ASIC2: variants seen among roughly 807,000 people sequenced by gnomAD.
ASIC2 encodes the protein acid sensing ion channel subunit 2.
ASIC2 carries 25 observed loss-of-function variants against 57.3 expected under a neutral mutation model. That is an observed-to-expected ratio of 0.44 (90% CI 0.32 to 0.61). The LOEUF is 0.61. ASIC2 is among the 20% of genes least tolerant of loss of function. The pLI, the probability that ASIC2 is intolerant of heterozygous loss-of-function variation, is 0.06. For missense variants in ASIC2, 641 were observed against 738.1 expected (o/e 0.87, Z 1.52); for synonymous variants, 319 against 307.5 (o/e 1.04, Z -0.39).
intron 6 of ASIC2, among the ~76,000 whole-genome samples, chr17:33,023,098 A>G (rs1022408811): frequency 5.9e-5 from 9 of 152,238 alleles, no homozygotes; most frequent in Admixed American, 2.0e-4. Flanking sequence ...AGACCTGCTT[A>G]AGGAGGAACC....
intron 2 of ASIC2, among the ~76,000 whole-genome samples, chr17:33,091,006 C>A (rs1009880419): frequency 2.6e-5 from 4 of 152,172 alleles, no homozygotes; most frequent in African/African-American, 9.7e-5. Flanking sequence ...TACAGCATCA[C>A]CCTGTCCAAA....
At chr17:33,438,941 T>C (rs945339525) in intron 1 of ASIC2, among the ~76,000 whole-genome samples, 2 of 151,076 alleles carry the variant, frequency 1.3e-5, no homozygotes, top group Non-Finnish European at 2.9e-5. Context: ...TTTCTGGTGC[T>C]CAAAAAATCC....
intron 1 of ASIC2, among the ~76,000 whole-genome samples, chr17:34,024,483 A>G (rs1247627718): frequency 6.6e-6 from 1 of 152,222 alleles, no homozygotes; most frequent in East Asian, 1.9e-4. Context: ...AAGCATGGTC[A>G]CTGTCGATAG....
At chr17:33,377,326 C>T (rs745400864) in intron 1 of ASIC2, among the ~76,000 whole-genome samples, 2 of 152,242 alleles carry the variant, frequency 1.3e-5, no homozygotes, top group South Asian at 2.1e-4. Context: ...GCTGCAATTA[C>T]AGGCGTGAGC....
intron 1 of ASIC2, among the ~76,000 whole-genome samples, chr17:33,566,104 A>C (rs549595023): frequency 1.3e-5 from 2 of 152,220 alleles, no homozygotes; most frequent in South Asian, 2.1e-4. Flanking sequence ...CCCTTCCCTT[A>C]CGTCTTTCTC....
intron 1 of ASIC2, among the ~76,000 whole-genome samples, chr17:34,099,145 ACAGAGAGAGAGAG>A: frequency 1.0e-4 from 2 of 19,800 alleles, no homozygotes; most frequent in African/African-American, 2.5e-4. Flanking sequence ...AGAGAGAGAG[ACAGAGAGAGAGAG>A]AGAGAGAAAG....
intron 1 of ASIC2, among the ~76,000 whole-genome samples, chr17:34,076,151 T>C (rs2097763): frequency 0.9 from 137,097 of 151,958 alleles, 62,176 homozygotes; most frequent in African/African-American, 0.98. Flanking sequence ...TACAGGTGCC[T>C]GCCACCATGC....
chr17:33,563,540 G>C (rs1470616397), intron 1 of ASIC2, among the ~76,000 whole-genome samples: 1 of 152,140 alleles, frequency 6.6e-6, no homozygotes, highest in Non-Finnish European at 1.5e-5. Context: ...AGGTACTCTT[G>C]GCCTTTACCT....
At chr17:34,128,790 G>A (rs1055648838) in intron 1 of ASIC2, among the ~76,000 whole-genome samples, 2 of 152,152 alleles carry the variant, frequency 1.3e-5, no homozygotes, top group Admixed American at 6.5e-5. Flanking sequence ...GAAGAATGAG[G>A]TTGTGTCAGC....
chr17:33,288,951 G>A (rs970208381), intron 1 of ASIC2, among the ~76,000 whole-genome samples: 1 of 152,272 alleles, frequency 6.6e-6, no homozygotes, highest in Non-Finnish European at 1.5e-5. Flanking sequence ...AGATGACAAA[G>A]GCTAGAGACA....
chr17:33,803,160 T>C (rs73986724), intron 1 of ASIC2, among the ~76,000 whole-genome samples: 13,725 of 152,198 alleles, frequency 0.09, 698 homozygotes, highest in East Asian at 0.19. Flanking sequence ...GGTTGGTAAT[T>C]GCATGAGGGA....
At chr17:33,309,940 TC>T (rs1197541912) in intron 1 of ASIC2, among the ~76,000 whole-genome samples, 5 of 144,710 alleles carry the variant, frequency 3.5e-5, no homozygotes, top group Non-Finnish European at 7.5e-5. Flanking sequence ...CCATGACTCC[TC>T]CCCTCCACCC....
chr17:33,612,238 A>G (rs1293963986), intron 1 of ASIC2, among the ~76,000 whole-genome samples: 4 of 152,216 alleles, frequency 2.6e-5, no homozygotes, highest in Non-Finnish European at 1.5e-5. Context: ...ACTAAAAATA[A>G]TGTTTGACCA....
chr17:33,382,349 T>C (rs1909517619), intron 1 of ASIC2, among the ~76,000 whole-genome samples: 1 of 152,186 alleles, frequency 6.6e-6, no homozygotes, highest in Non-Finnish European at 1.5e-5. Flanking sequence ...AGACCAAATT[T>C]GTTCTTTTCC....
At chr17:33,138,396 T>G (rs537137633) in intron 1 of ASIC2, among the ~76,000 whole-genome samples, 1 of 152,220 alleles carries the variant, frequency 6.6e-6, no homozygotes, top group East Asian at 1.9e-4. Flanking sequence ...CAAGGAAAAT[T>G]GAGGACTAGA....
intron 1 of ASIC2, among the ~76,000 whole-genome samples, chr17:33,461,542 T>C (rs1255693018): frequency 6.6e-6 from 1 of 152,186 alleles, no homozygotes; most frequent in Non-Finnish European, 1.5e-5. Context: ...CTGCCTGGCA[T>C]GATCAGGGGC....
At chr17:33,773,711 G>A (rs1480624789) in intron 1 of ASIC2, among the ~76,000 whole-genome samples, 1 of 149,048 alleles carries the variant, frequency 6.7e-6, no homozygotes, top group Non-Finnish European at 1.5e-5. Flanking sequence ...CTGGAGTGCA[G>A]TGGTGCAATC....
intron 1 of ASIC2, among the ~76,000 whole-genome samples, chr17:33,945,270 T>A (rs914230936): frequency 2.0e-5 from 3 of 152,018 alleles, no homozygotes; most frequent in Non-Finnish European, 4.4e-5. Context: ...GGGTAACACA[T>A]TCACAACCTC....
chr17:33,228,979 G>A (rs909411623), intron 1 of ASIC2, among the ~76,000 whole-genome samples: 1 of 152,192 alleles, frequency 6.6e-6, no homozygotes, highest in Admixed American at 6.5e-5. Context: ...GAAGAGAAAG[G>A]TACCCAGATA....
Sources: gnomAD v4.1 joint callset for allele counts (sites outside exome capture counted in the v4.1 genomes callset) on GRCh38, gnomAD v4.1.1 for gene constraint, MANE v1.5 for transcripts, NCBI Gene and HGNC (gene_info 2026-07-23, HGNC 2026-07-21) for gene names.